RHOBTB1: variants seen among roughly 807,000 people sequenced by gnomAD.
RHOBTB1 encodes Rho related BTB domain containing 1, also known as rho-related BTB domain-containing protein 1.
RHOBTB1 carries 40 observed loss-of-function variants against 71.6 expected under a neutral mutation model. That is an observed-to-expected ratio of 0.56 (90% CI 0.43 to 0.73). The LOEUF is 0.73. RHOBTB1 is among the 30% of genes least tolerant of loss of function. RHOBTB1 has a pLI of 0.00. For synonymous variants in RHOBTB1, 319 were observed against 334.9 expected (o/e 0.95, Z 0.52); for missense variants, 797 against 894.0 (o/e 0.89, Z 1.38).
At chr10:60,979,784 A>G (rs1451630959) in intron 2 of RHOBTB1, among the ~76,000 whole-genome samples, 1 of 152,196 alleles carries the variant, frequency 6.6e-6, no homozygotes, top group East Asian at 1.9e-4. Context: ...AAGAGATTAC[A>G]TTTTTAGAGG....
At chr10:60,986,687 A>G (rs1173318672) in intron 1 of RHOBTB1, among the ~76,000 whole-genome samples, 2 of 152,070 alleles carry the variant, frequency 1.3e-5, no homozygotes, top group African/African-American at 4.8e-5. Flanking sequence ...AAAATGGACT[A>G]TTTTATGAGT....
In RHOBTB1 at chr10:60,897,029, A is replaced by G. The variant is rs528874191; in HGVS notation, c.297-4034T>C. On this transcript the variant is annotated intron_variant, in intron 4 of 10. Transcript: ENST00000337910. ...GAACACTGGCCAAAGATAGCATGTG[A>G]AAGATTGGCAAGGATATTTGAATAA... is the stretch of plus-strand genomic sequence containing the variant. Among the ~76,000 whole-genome samples, 5 of 152,296 alleles carry G rather than the reference A, an allele frequency of 3.3e-5. No individual in the cohort carries two copies. In the South Asian group the frequency reaches 8.3e-4, roughly 25 times the overall value.
At chr10:60,912,203 GTA>G (rs572293264) in intron 2 of RHOBTB1, among the ~76,000 whole-genome samples, 2 of 145,790 alleles carry the variant, frequency 1.4e-5, no homozygotes, top group African/African-American at 5.3e-5. Context: ...ATGTGTGTGT[GTA>G]TATATATGTG....
At chr10:60,916,747 T>C (rs1007276658) in intron 2 of RHOBTB1, among the ~76,000 whole-genome samples, 1 of 152,208 alleles carries the variant, frequency 6.6e-6, no homozygotes, top group Non-Finnish European at 1.5e-5. Context: ...CTTGTGAATA[T>C]GTTCCATTGT....
intron 5 of RHOBTB1, among the ~76,000 whole-genome samples, chr10:60,891,532 G>C (rs2081919425): frequency 6.6e-6 from 1 of 151,470 alleles, no homozygotes; most frequent in African/African-American, 2.4e-5. Flanking sequence ...TATTTTTCTA[G>C]AGACGTGGTC....
intron 4 of RHOBTB1, among the ~76,000 whole-genome samples, chr10:60,910,019 G>A (rs75291391): frequency 0.041 from 6,173 of 152,232 alleles, 240 homozygotes; most frequent in African/African-American, 0.098. Flanking sequence ...AGTAATTCAC[G>A]TGCTTGGAGT....
At chr10:60,881,635 T>A (rs1423516898) in intron 7 of RHOBTB1, among the ~76,000 whole-genome samples, 4 of 152,182 alleles carry the variant, frequency 2.6e-5, no homozygotes, top group Non-Finnish European at 5.9e-5. Context: ...ATGGGAGGAA[T>A]TTGGAATAGA....
rs143164372 is a variant in RHOBTB1 at position 60,887,853 on chromosome 10, C to T, written c.1456+359G>A. On this transcript the variant is annotated intron_variant, in intron 6 of 10. Coordinates refer to ENST00000337910, the MANE Select transcript of RHOBTB1 (RefSeq NM_014836.5). ...GCCCACTGGAGATAGGCTTGGGGTCCCTGATCCACTCTTGAGGAGCAGTGT... is the reference window on the plus strand; with the variant it reads ...GCCCACTGGAGATAGGCTTGGGGTCTCTGATCCACTCTTGAGGAGCAGTGT... 2.7e-3 allele frequency among the ~76,000 whole-genome samples: 408 copies of T among 152,140 alleles called. 1 individual carries two copies. The highest frequency in any genetic ancestry group is 9.3e-3 in the African/African-American group (386 of 41,510).
At chr10:60,964,353 G>T (rs2085886828) in intron 2 of RHOBTB1, among the ~76,000 whole-genome samples, 2 of 151,958 alleles carry the variant, frequency 1.3e-5, no homozygotes, top group Admixed American at 1.3e-4. Context: ...TGCCCTCTAG[G>T]GGACACATGG....
At chr10:60,926,661 C>A (rs2083900998) in intron 2 of RHOBTB1, among the ~76,000 whole-genome samples, 1 of 152,140 alleles carries the variant, frequency 6.6e-6, no homozygotes, top group Non-Finnish European at 1.5e-5. Context: ...GCCAAAGCAG[C>A]ATTCAATAAA....
At chr10:60,996,795 A>G (rs983123334) in intron 1 of RHOBTB1, among the ~76,000 whole-genome samples, 1 of 152,128 alleles carries the variant, frequency 6.6e-6, no homozygotes, top group African/African-American at 2.4e-5. Flanking sequence ...CTAAAACATG[A>G]TTTGTTGTGT....
intron 2 of RHOBTB1, among the ~76,000 whole-genome samples, chr10:60,917,852 T>C (rs2083350165): frequency 6.6e-6 from 1 of 152,180 alleles, no homozygotes; most frequent in Non-Finnish European, 1.5e-5. Flanking sequence ...CTTAAAACCT[T>C]ACTCAGACAT....
chr10:60,876,401 T>C (rs2081054676), intron 8 of RHOBTB1, among the ~76,000 whole-genome samples: 2 of 151,576 alleles, frequency 1.3e-5, no homozygotes, highest in Admixed American at 1.3e-4. Flanking sequence ...TTGGGTCAGT[T>C]AAAAAAAAAC....
At chr10:60,966,495 C>A (rs2085962453) in intron 2 of RHOBTB1, among the ~76,000 whole-genome samples, 2 of 150,890 alleles carry the variant, frequency 1.3e-5, no homozygotes, top group South Asian at 2.1e-4. Context: ...CATAGCCAGA[C>A]CCTATCTCTA....
intron 8 of RHOBTB1, among the ~76,000 whole-genome samples, chr10:60,875,882 G>A (rs928712497): frequency 2.6e-5 from 4 of 152,210 alleles, no homozygotes; most frequent in Admixed American, 6.5e-5. Flanking sequence ...TGAGACTGAC[G>A]TGTGAGGGTA....
At chr10:60,953,029 A>C (rs547174556) in intron 2 of RHOBTB1, among the ~76,000 whole-genome samples, 19 of 152,296 alleles carry the variant, frequency 1.2e-4, no homozygotes, top group Admixed American at 7.2e-4. Flanking sequence ...TTCCTGATGA[A>C]ACAAGCAGGA....
chr10:60,889,141 T>C lies in RHOBTB1; in HGVS notation c.527A>G (p.Glu176Gly), dbSNP rs1457752475. The change falls in exon 6 of 11, where the codon GAG becomes GGG. Residue 176 changes from glutamate (E) to glycine (G), a missense_variant. Glu to Gly is a moderately conservative substitution (Grantham distance 98). Around this residue, in one of 2 missense-constraint regions of RHOBTB1, gnomAD observed 658 missense variants for 681.5 expected, o/e 0.97. Coordinates refer to ENST00000337910, the MANE Select transcript of RHOBTB1 (RefSeq NM_014836.5). ...TGGTAAGCCAAGTTCCTTTGCTACC[T>C]CTCGGCCTTTTTCTGGGGGCAAAAT... ...GDILPPEKGR[E>G]VAKELGLPYY... The C allele has an allele frequency of 6.2e-7, 1 of 1,613,238 alleles. No homozygotes were observed. The highest frequency in any genetic ancestry group is 1.7e-5 in the Admixed American group (1 of 59,948).
intron 4 of RHOBTB1, among the ~76,000 whole-genome samples, chr10:60,904,341 T>C (rs1350569754): frequency 6.6e-6 from 1 of 152,236 alleles, no homozygotes; most frequent in African/African-American, 2.4e-5. Flanking sequence ...GACATACGTA[T>C]TCCCCATGAA....
intron 4 of RHOBTB1, among the ~76,000 whole-genome samples, chr10:60,909,446 C>T (rs921256317): frequency 1.3e-5 from 2 of 152,062 alleles, no homozygotes; most frequent in African/African-American, 4.8e-5. Context: ...CATCATCAGG[C>T]TCATCATTTT....
Sources: gnomAD v4.1 joint callset for allele counts (sites outside exome capture counted in the v4.1 genomes callset) on GRCh38, gnomAD v4.1.1 for gene constraint, gnomAD v4.1.1 regional missense constraint, MANE v1.5 for transcripts, NCBI Gene and HGNC (gene_info 2026-07-23, HGNC 2026-07-21) for gene names.